The following TASP1 variants were observed in gnomAD, a reference collection of about 807,000 sequenced individuals.
TASP1 encodes taspase 1.
A neutral mutation model predicts 56.6 loss-of-function variants in TASP1; 16 were observed. The observed-to-expected ratio is 0.28, with a 90% CI of 0.19 to 0.43. The LOEUF is 0.43. TASP1 is among the 20% of genes least tolerant of loss of function. The probability of loss-of-function intolerance (pLI) is 1.00; values close to 1 mark genes in which losing one functional copy is unlikely to be tolerated. For missense variants in TASP1, 393 were observed against 511.6 expected (o/e 0.77, Z 2.24); for synonymous variants, 179 against 184.2 (o/e 0.97, Z 0.23).
At chr20:13,314,317 C>T in the TASP1 span, among the ~76,000 whole-genome samples, 4 of 151,698 alleles carry the variant, frequency 2.6e-5, no homozygotes, top group Non-Finnish European at 4.4e-5. Flanking sequence ...AAAACCCCTA[C>T]ACCTAGGCAT....
the TASP1 span, among the ~76,000 whole-genome samples, chr20:13,227,540 G>C: frequency 8.7e-6 from 1 of 114,734 alleles, no homozygotes; most frequent in African/African-American, 3.4e-5. Context: ...ACGGAGTCTT[G>C]CTCTGTCACC....
At chr20:13,238,596 C>G in the TASP1 span, among the ~76,000 whole-genome samples, 1 of 152,118 alleles carries the variant, frequency 6.6e-6, no homozygotes, top group Non-Finnish European at 1.5e-5. Context: ...TAGAAAACAA[C>G]AAAGTTGTTT....
chr20:13,521,127 G>A (rs1444119468), intron 10 of TASP1, among the ~76,000 whole-genome samples: 1 of 152,160 alleles, frequency 6.6e-6, no homozygotes, highest in African/African-American at 2.4e-5. Context: ...GGAAACAACA[G>A]ATGCTGGAGA....
chr20:13,377,478 T>G, the TASP1 span, among the ~76,000 whole-genome samples: 2 of 152,272 alleles, frequency 1.3e-5, no homozygotes, highest in Non-Finnish European at 2.9e-5. Flanking sequence ...GGTTTGCCAG[T>G]ATTTTATTGA....
chr20:13,379,628 G>A, the TASP1 span, among the ~76,000 whole-genome samples: 2 of 151,968 alleles, frequency 1.3e-5, no homozygotes, highest in Non-Finnish European at 2.9e-5. Context: ...GCCTGTCTTG[G>A]TGGGTTGGGG....
At chr20:13,638,567 G>A (rs938667615) in intron 1 of TASP1, among the ~76,000 whole-genome samples, 2 of 152,184 alleles carry the variant, frequency 1.3e-5, no homozygotes, top group South Asian at 2.1e-4. Flanking sequence ...CGGACTCTGA[G>A]ACATCTCCAG....
the TASP1 span, among the ~76,000 whole-genome samples, chr20:13,228,536 G>A: frequency 1.1e-4 from 17 of 151,916 alleles, no homozygotes; most frequent in Non-Finnish European, 2.1e-4. Flanking sequence ...CCATTTCTTT[G>A]TAGGTGATTT....
chr20:13,612,141 C>T (rs1439852913), intron 4 of TASP1, among the ~76,000 whole-genome samples: 1 of 152,138 alleles, frequency 6.6e-6, no homozygotes, highest in African/African-American at 2.4e-5. Context: ...TTACCTCTTG[C>T]TACTTAAAGA....
At chr20:13,119,276 ATGT>A in the TASP1 span, among the ~76,000 whole-genome samples, 3 of 152,336 alleles carry the variant, frequency 2.0e-5, no homozygotes, top group East Asian at 1.9e-4. Context: ...AATTCTTGAA[ATGT>A]TGTCAAATTT....
the TASP1 span, among the ~76,000 whole-genome samples, chr20:13,326,237 G>A: frequency 6.6e-6 from 1 of 152,152 alleles, no homozygotes; most frequent in African/African-American, 2.4e-5. Flanking sequence ...TAAGTTGTTT[G>A]TAAGTTTTGG....
At chr20:13,584,220 A>G (rs1297748811) in intron 5 of TASP1, among the ~76,000 whole-genome samples, 1 of 152,246 alleles carries the variant, frequency 6.6e-6, no homozygotes, top group Non-Finnish European at 1.5e-5. Context: ...AAAAAAATGC[A>G]TTCAAGAGGT....
At position 13,549,006 on chromosome 20, in the gene TASP1, A is replaced by G. The variant is rs140642903; in HGVS notation, c.675+10002T>C. Among the ~76,000 whole-genome samples, 586 of 152,212 alleles carry G rather than the reference A, an allele frequency of 3.8e-3. 5 individuals carry two copies. The highest frequency in any genetic ancestry group is 0.014 in the African/African-American group (567 of 41,550). On this transcript the variant is annotated intron_variant, in intron 8 of 13. Coordinates refer to ENST00000337743, the MANE Select transcript of TASP1 (RefSeq NM_017714.3). ...AAGAGAATCAAGGAAGTTTGGACAT[A>G]CTCCATGTTGACAATGAATATGTAT... is the stretch of plus-strand genomic sequence containing the variant.
At chr20:13,547,772 G>T (rs193089652) in intron 8 of TASP1, among the ~76,000 whole-genome samples, 1 of 152,124 alleles carries the variant, frequency 6.6e-6, no homozygotes, top group African/African-American at 2.4e-5. Context: ...AGGCTCACTG[G>T]TAGTATGTCT....
the TASP1 span, among the ~76,000 whole-genome samples, chr20:13,268,163 TCTCTC>T: frequency 0.073 from 10,908 of 149,440 alleles, 484 homozygotes; most frequent in Non-Finnish European, 0.096. Flanking sequence ...TCCCTTCCCT[TCTCTC>T]CTCTCCTCTC....
At chr20:13,560,932 T>C (rs1214481903) in intron 7 of TASP1, among the ~76,000 whole-genome samples, 2 of 152,158 alleles carry the variant, frequency 1.3e-5, no homozygotes, top group African/African-American at 4.8e-5. Flanking sequence ...AATCAAATTG[T>C]CAAAGGCCAA....
chr20:13,381,985 C>T, the TASP1 span, among the ~76,000 whole-genome samples: 1 of 152,118 alleles, frequency 6.6e-6, no homozygotes. Flanking sequence ...GATGTGCACA[C>T]CAGGATCCAG....
the TASP1 span, among the ~76,000 whole-genome samples, chr20:13,381,168 G>A: frequency 2.6e-5 from 4 of 152,128 alleles, no homozygotes; most frequent in African/African-American, 4.8e-5. Flanking sequence ...CCAAACAGCC[G>A]CCCAGTTTTG....
intron 7 of TASP1, among the ~76,000 whole-genome samples, chr20:13,563,494 G>A (rs1265108303): frequency 6.6e-6 from 1 of 151,998 alleles, no homozygotes; most frequent in African/African-American, 2.4e-5. Context: ...CCTTATGAAC[G>A]TTGATGCAAA....
chr20:13,457,991 A>C (rs1329288336), intron 11 of TASP1, among the ~76,000 whole-genome samples: 1 of 152,218 alleles, frequency 6.6e-6, no homozygotes, highest in Non-Finnish European at 1.5e-5. Context: ...ATTTCAAGAA[A>C]GATGTTTTCA....
Sources: allele counts gnomAD v4.1 joint callset (sites outside exome capture counted in the v4.1 genomes callset), GRCh38; gene constraint gnomAD v4.1.1; transcripts MANE v1.5; gene names NCBI Gene and HGNC (gene_info 2026-07-23, HGNC 2026-07-21).